RAB8B: variants seen among roughly 807,000 people sequenced by gnomAD.
RAB8B encodes RAB8B, member RAS oncogene family.
A neutral mutation model predicts 32.0 loss-of-function variants in RAB8B; 11 were observed. That is an observed-to-expected ratio of 0.34 (90% CI 0.22 to 0.57). The LOEUF (loss-of-function observed/expected upper bound fraction) is 0.57. Ranked by LOEUF, RAB8B falls within the 20% of genes least tolerant of loss-of-function variation. The probability of loss-of-function intolerance (pLI) is 0.86; values close to 1 mark genes in which losing one functional copy is unlikely to be tolerated. For synonymous variants in RAB8B, 103 were observed against 89.6 expected, an observed-to-expected ratio of 1.15 and a Z score of -0.85; for missense variants, 190 against 258.5, an observed-to-expected ratio of 0.73 and a Z score of 1.82.
intron 3 of RAB8B, among the ~76,000 whole-genome samples, chr15:63,252,665 G>T (rs1326673875): frequency 6.6e-6 from 1 of 151,834 alleles, no homozygotes; most frequent in African/African-American, 2.4e-5. Flanking sequence ...AATCCACTTT[G>T]AATTGTTTTT....
rs185356641 is a variant in RAB8B at position 63,223,674 on chromosome 15, A to G, written c.125-21082A>G. 2.4e-3 allele frequency among the ~76,000 whole-genome samples: 358 copies of G among 152,310 alleles called. 2 individuals are homozygous for G. The highest frequency in any genetic ancestry group is 3.7e-3 in the Non-Finnish European group (249 of 68,026). ...TCTGGTTGTTAAGTGACACATGACT[A>G]TACTTGAAGACACACGACTGTACTT... On this transcript the variant is annotated intron_variant, in intron 1 of 7. Coordinates refer to ENST00000321437, the MANE Select transcript of RAB8B (RefSeq NM_016530.3).
intron 2 of RAB8B, among the ~76,000 whole-genome samples, chr15:63,245,621 C>G (rs1444073300): frequency 6.6e-6 from 1 of 152,142 alleles, no homozygotes; most frequent in Non-Finnish European, 1.5e-5. Context: ...AGCATCAGAT[C>G]CCACAGGTTG....
At chr15:63,196,364 G>A (rs549424391) in intron 1 of RAB8B, among the ~76,000 whole-genome samples, 2 of 152,222 alleles carry the variant, frequency 1.3e-5, no homozygotes, top group African/African-American at 4.8e-5. Context: ...TTTCCAGGCA[G>A]ATGAGGTGGA....
At chr15:63,221,041 C>A (rs1427965683) in intron 1 of RAB8B, among the ~76,000 whole-genome samples, 1 of 152,082 alleles carries the variant, frequency 6.6e-6, no homozygotes, top group African/African-American at 2.4e-5. Flanking sequence ...GCAGAGTTGG[C>A]TGGAATAACT....
chr15:63,231,492 T>TG (rs2037936185), intron 1 of RAB8B, among the ~76,000 whole-genome samples: 1 of 18,304 alleles, frequency 5.5e-5, no homozygotes, highest in South Asian at 4.7e-3. Context: ...GGGATTTGCG[T>TG]GTTTTTTGTT....
At chr15:63,255,919 C>T (rs2038155354) in intron 4 of RAB8B, among the ~76,000 whole-genome samples, 1 of 152,254 alleles carries the variant, frequency 6.6e-6, no homozygotes, top group South Asian at 2.1e-4. Context: ...AGGATTAAAA[C>T]ATCTGGTTCC....
At chr15:63,197,348 T>G (rs934878612) in intron 1 of RAB8B, among the ~76,000 whole-genome samples, 103 of 139,642 alleles carry the variant, frequency 7.4e-4, no homozygotes, top group Non-Finnish European at 1.3e-3. Context: ...TTTTTTTTTT[T>G]CTTTCTTTCT....
At chr15:63,231,837 G>T (rs983003349) in intron 1 of RAB8B, among the ~76,000 whole-genome samples, 8 of 152,168 alleles carry the variant, frequency 5.3e-5, no homozygotes, top group African/African-American at 1.9e-4. Flanking sequence ...TATGAAAAGA[G>T]ACTTTATTGA....
At chr15:63,212,676 A>G (rs2037757898) in intron 1 of RAB8B, among the ~76,000 whole-genome samples, 1 of 152,204 alleles carries the variant, frequency 6.6e-6, no homozygotes, top group Non-Finnish European at 1.5e-5. Flanking sequence ...TTTGTACGTG[A>G]TGAGGAGACA....
rs116533814 is a variant in RAB8B, at chr15:63,238,825, G to A, written c.125-5931G>A. Reference sequence around the variant, plus strand: ...ATTAATCCAATCTTGGTAATTCCCCGTGGCAGTGATTAGTTCAGGAATTCA... The same window carrying A: ...ATTAATCCAATCTTGGTAATTCCCCATGGCAGTGATTAGTTCAGGAATTCA... On this transcript the variant is annotated intron_variant, in intron 1 of 7. Transcript: ENST00000321437. Among the ~76,000 whole-genome samples the A allele has an allele frequency of 5.3e-3, 813 of 152,168 alleles. 8 individuals are homozygous for A. Among genetic ancestry groups the A allele is most frequent in the African/African-American group, 0.018 (754 of 41,506 alleles).
intron 1 of RAB8B, among the ~76,000 whole-genome samples, chr15:63,230,478 T>G (rs950616777): frequency 6.6e-6 from 1 of 152,126 alleles, no homozygotes; most frequent in Non-Finnish European, 1.5e-5. Context: ...ATTTTTGTAT[T>G]TTTAGTAGAG....
chr15:63,251,669 TAG>T (rs2038117559), intron 3 of RAB8B, among the ~76,000 whole-genome samples: 1 of 152,224 alleles, frequency 6.6e-6, no homozygotes, highest in South Asian at 2.1e-4. Flanking sequence ...ATTTTGAAGG[TAG>T]AGATTTCTGT....
In RAB8B at chr15:63,249,822, T is replaced by C. The variant is rs539524342; in HGVS notation, c.246+117T>C. The C allele has an allele frequency of 8.9e-5, 100 of 1,127,218 alleles. No individual in the cohort carries two copies. In the African/African-American group the frequency reaches 1.4e-3, roughly 16 times the overall value. The allele number at this position is 1,127,218 out of a possible 1,614,324, so 69.8% of individuals were successfully genotyped here. A position where few individuals can be genotyped will look rare whatever the true frequency, so the allele number is the denominator to read the frequency against. On this transcript the variant is annotated intron_variant, in intron 3 of 7. Coordinates refer to ENST00000321437, the MANE Select transcript of RAB8B (RefSeq NM_016530.3). The stretch of plus-strand genomic sequence containing the variant: ...GTATGTAGAAAAATAAATTTTCTGA[T>C]GGGGAAACAAGACATTTAAAAGGTT...
chr15:63,189,770 G>C, intron 1 of RAB8B, 22 bp downstream of exon 1: 1 of 1,542,352 alleles, frequency 6.5e-7, no homozygotes, highest in Non-Finnish European at 8.8e-7. Context: ...GCCGCGGCCC[G>C]GGACCGGGTA....
chr15:63,202,224 G>C (rs2037658592), intron 1 of RAB8B, among the ~76,000 whole-genome samples: 2 of 151,416 alleles, frequency 1.3e-5, no homozygotes, highest in African/African-American at 4.9e-5. Flanking sequence ...CTTGCAGTGA[G>C]CCGAGATCGC....
At chr15:63,194,388 A>G (rs545720603) in intron 1 of RAB8B, among the ~76,000 whole-genome samples, 4 of 152,312 alleles carry the variant, frequency 2.6e-5, no homozygotes, top group South Asian at 2.1e-4. Flanking sequence ...GAGTTTGCAC[A>G]TACGCCTTTA....
intron 1 of RAB8B, 27 bp from the exon 2 acceptor site, chr15:63,244,729 A>C (rs1294217495): frequency 6.6e-7 from 1 of 1,508,558 alleles, no homozygotes; most frequent in Admixed American, 1.8e-5. Context: ...AAGAAACTTA[A>C]CATATCTTTC....
chr15:63,244,984 C>A (rs904570174), intron 2 of RAB8B, among the ~76,000 whole-genome samples, 168 bp downstream of exon 2: 1 of 152,192 alleles, frequency 6.6e-6, no homozygotes. Flanking sequence ...GGTATCTTCA[C>A]CAAGAGTTGG....
At chr15:63,239,198 A>C (rs1028171302) in intron 1 of RAB8B, among the ~76,000 whole-genome samples, 1 of 152,178 alleles carries the variant, frequency 6.6e-6, no homozygotes, top group Non-Finnish European at 1.5e-5. Context: ...AGCTGAAAGC[A>C]TCCTGATTAT....
Sources: allele counts gnomAD v4.1 joint callset (sites outside exome capture counted in the v4.1 genomes callset), GRCh38; gene constraint gnomAD v4.1.1; transcripts MANE v1.5; gene names NCBI Gene and HGNC (gene_info 2026-07-23, HGNC 2026-07-21).